MS4A3: variants seen among roughly 807,000 people sequenced by gnomAD.
MS4A3 encodes the protein membrane-spanning 4-domains subfamily A member 3.
MS4A3 carries 18 observed loss-of-function variants against 24.7 expected under a neutral mutation model. The observed-to-expected ratio is 0.73, with a 90% CI of 0.50 to 1.08. MS4A3 has a LOEUF of 1.08. MS4A3 is among the 50% of genes least tolerant of loss of function. The pLI is 0.00. For synonymous variants in MS4A3, 84 were observed against 95.3 expected (o/e 0.88, Z 0.69); for missense variants, 282 against 251.7 (o/e 1.12, Z -0.82).
chr11:60,062,488 A>G lies in MS4A3; in HGVS notation c.177A>G (p.Ala59=). 1 of 1,614,118 alleles carries G rather than the reference A, an allele frequency of 6.2e-7. No individual in the cohort carries two copies. Among genetic ancestry groups the G allele is most frequent in the African/African-American group, 1.3e-5 (1 of 75,054 alleles). ...TTCAGGCCATCCAGATCCTGAATGC[A>G]GCAATGATTCTGGCTTTGGGTGTCT... The part of the protein sequence containing the change: ...QVLGAIQILN[A]AMILALGVFL... Residue 59 remains alanine (A), a synonymous_variant, in exon 3 of 7, where the codon GCA becomes GCG. Transcript: ENST00000278865.
chr11:60,065,695 C>T (rs1426680138), intron 4 of MS4A3, among the ~76,000 whole-genome samples: 2 of 152,214 alleles, frequency 1.3e-5, no homozygotes, highest in African/African-American at 2.4e-5. Flanking sequence ...CATAGTTAGT[C>T]GCCCACTCCT....
intron 3 of MS4A3, among the ~76,000 whole-genome samples, chr11:60,063,884 T>A (rs1292116628): frequency 6.6e-6 from 1 of 151,692 alleles, no homozygotes; most frequent in Admixed American, 6.6e-5. Flanking sequence ...GGGAAGGAGG[T>A]GAGGGATAAA....
Position 60,070,342 on chromosome 11 carries a change from C to G in MS4A3, c.*109C>G. The G allele has an allele frequency of 3.5e-6, 3 of 857,370 alleles. No individual in the cohort carries two copies. The highest frequency in any genetic ancestry group is 5.7e-6 in the Non-Finnish European group (3 of 529,844). The allele number at this position is 857,370 out of a possible 1,614,324, so 53.1% of individuals were successfully genotyped here. ...AGAACATAAGCCTGCTCGTAAAGCT[C>G]AATCCTTCTATCATGGCACCAATCA... is the stretch of plus-strand genomic sequence containing the variant. On this transcript the variant is annotated 3_prime_UTR_variant, in exon 7 of 7. Transcript: ENST00000278865.
At chr11:60,056,934 CATA>C (rs1169423518) in intron 1 of MS4A3, among the ~76,000 whole-genome samples, 194 bp downstream of exon 1, 2 of 152,128 alleles carry the variant, frequency 1.3e-5, no homozygotes, top group East Asian at 1.9e-4. Flanking sequence ...AAGTGTTAGA[CATA>C]ATAATACAGC....
chr11:60,061,142 A>G lies in MS4A3; in HGVS notation c.-15-4A>G. The G allele has an allele frequency of 6.5e-7, 1 of 1,547,976 alleles. No individual in the cohort carries two copies. Among genetic ancestry groups the G allele is most frequent in the Non-Finnish European group, 8.7e-7 (1 of 1,151,800 alleles). Reference sequence around the variant, plus strand: ...GAAGGCTTTGGATTTCTTTTCTATCACAGCCATAAACAACCCCAATGGCCT... The same window carrying G: ...GAAGGCTTTGGATTTCTTTTCTATCGCAGCCATAAACAACCCCAATGGCCT... On this transcript the variant is annotated splice_polypyrimidine_tract_variant and splice_region_variant and intron_variant, in intron 1 of 6. Transcript: ENST00000278865.
At chr11:60,063,330 C>G (rs886250525) in intron 3 of MS4A3, among the ~76,000 whole-genome samples, 1 of 152,068 alleles carries the variant, frequency 6.6e-6, no homozygotes, top group Non-Finnish European at 1.5e-5. Flanking sequence ...TTATCTGGGT[C>G]AACATTCAAT....
rs1855466788 is a variant in MS4A3, at chr11:60,070,996, C to T, written c.*763C>T. 1 of 152,184 alleles carries T rather than the reference C, an allele frequency of 6.6e-6. No individual in the cohort carries two copies. Among genetic ancestry groups the T allele is most frequent in the Non-Finnish European group, 1.5e-5 (1 of 68,026 alleles). 9.4% of individuals were successfully genotyped at this position (152,184 alleles called of 1,614,324 possible). A position where few individuals can be genotyped will look rare whatever the true frequency, so the allele number is the denominator to read the frequency against. On this transcript the variant is annotated 3_prime_UTR_variant, in exon 7 of 7. Coordinates refer to ENST00000278865, the MANE Select transcript of MS4A3 (RefSeq NM_006138.5). ...CACTTATTACCTGTATGAACATGGG[C>T]AAATTATCTAATCTCTCTGATCTAT...
At chr11:60,059,217 G>A (rs967520485) in intron 1 of MS4A3, among the ~76,000 whole-genome samples, 4 of 152,076 alleles carry the variant, frequency 2.6e-5, no homozygotes, top group Admixed American at 6.5e-5. Flanking sequence ...TCAATGCTTA[G>A]TAAATTTGTC....
At position 60,064,333 on chromosome 11, in the gene MS4A3, C is replaced by T. The variant is rs2134663343; in HGVS notation, c.351+15C>T. Reference sequence around the variant, plus strand: ...CAAGAACATGGGTAAGTAGCACTTCCTCTTTTTCTATGATCAGAGGAGTAG... The same window carrying T: ...CAAGAACATGGGTAAGTAGCACTTCTTCTTTTTCTATGATCAGAGGAGTAG... On this transcript the variant is annotated intron_variant, in intron 4 of 6. Coordinates refer to ENST00000278865, the MANE Select transcript of MS4A3 (RefSeq NM_006138.5). The T allele has an allele frequency of 6.3e-7, 1 of 1,584,648 alleles. No individual in the cohort carries two copies. Among genetic ancestry groups the T allele is most frequent in the Admixed American group, 1.7e-5 (1 of 57,642 alleles).
intron 4 of MS4A3, among the ~76,000 whole-genome samples, chr11:60,065,896 A>T (rs1855353952): frequency 6.6e-6 from 1 of 152,134 alleles, no homozygotes; most frequent in Non-Finnish European, 1.5e-5. Context: ...TTCTTCTGTG[A>T]TCTCACACAT....
intron 5 of MS4A3, 76 bp from the exon 6 acceptor site, chr11:60,069,498 T>C (rs1046817221): frequency 1.4e-5 from 13 of 949,380 alleles, no homozygotes; most frequent in Non-Finnish European, 2.2e-5. Flanking sequence ...TGTTGTAGTC[T>C]GGTTTCCTGC....
chr11:60,061,491 C>A, intron 2 of MS4A3, 175 bp downstream of exon 2: 1 of 744,998 alleles, frequency 1.3e-6, no homozygotes, highest in Non-Finnish European at 2.3e-6. Flanking sequence ...CTTCCTCAGT[C>A]TATTCAACGT....
At chr11:60,060,540 A>T (rs1855255315) in intron 1 of MS4A3, among the ~76,000 whole-genome samples, 1 of 152,190 alleles carries the variant, frequency 6.6e-6, no homozygotes, top group Non-Finnish European at 1.5e-5. Context: ...GTGATTTGAA[A>T]AATATTGGAC....
chr11:60,067,210 A>AAAT, intron 5 of MS4A3, 98 bp downstream of exon 5: 6 of 836,024 alleles, frequency 7.2e-6, no homozygotes, highest in Non-Finnish European at 1.0e-5. Flanking sequence ...CATAATTTGA[A>AAAT]TCTTTTTTTT....
At chr11:60,062,655 C>G in intron 3 of MS4A3, 50 bp downstream of exon 3, 1 of 1,596,876 alleles carries the variant, frequency 6.3e-7, no homozygotes, top group African/African-American at 1.3e-5. Flanking sequence ...GATACCACTG[C>G]TGGAGATGTG....
intron 3 of MS4A3, among the ~76,000 whole-genome samples, chr11:60,063,529 G>T (rs1855311418): frequency 6.6e-6 from 1 of 152,094 alleles, no homozygotes; most frequent in Non-Finnish European, 1.5e-5. Flanking sequence ...TTGGTGATTT[G>T]TTTGGGTTCA....
At position 60,058,169 on chromosome 11, in the gene MS4A3, AG is replaced by A. The variant is rs534378562; in HGVS notation, c.-16+1431del. The stretch of plus-strand genomic sequence containing the variant: ...GTGCATGCTTCTTCCAGAGTTGGCC[AG>A]GACTAAAAACAGCATCCTGGAAGTA... On this transcript the variant is annotated intron_variant, in intron 1 of 6. Transcript: ENST00000278865. Among the ~76,000 whole-genome samples the A allele has an allele frequency of 2.9e-3, 438 of 152,252 alleles. 4 individuals carry two copies. Among genetic ancestry groups the A allele is most frequent in the African/African-American group, 0.01 (425 of 41,542 alleles).
intron 5 of MS4A3, 51 bp downstream of exon 5, chr11:60,067,163 G>T: frequency 7.2e-7 from 1 of 1,390,362 alleles, no homozygotes; most frequent in Middle Eastern, 1.9e-4. Context: ...AACAATCCAG[G>T]ATGTACAGAA....
chr11:60,067,491 G>C (rs977689798), intron 5 of MS4A3, among the ~76,000 whole-genome samples: 1 of 151,842 alleles, frequency 6.6e-6, no homozygotes, highest in South Asian at 2.1e-4. Flanking sequence ...CTGGGATAAG[G>C]GGCGTGAGCC....
Sources: gnomAD v4.1 joint callset for allele counts (sites outside exome capture counted in the v4.1 genomes callset) on GRCh38, gnomAD v4.1.1 for gene constraint, MANE v1.5 for transcripts, NCBI Gene and HGNC (gene_info 2026-07-23, HGNC 2026-07-21) for gene names.